Variants in DIP2C observed in about 807,000 individuals in gnomAD.
The protein encoded by DIP2C is disco-interacting protein 2 homolog C.
In DIP2C, 33 loss-of-function variants were observed where a neutral mutation model predicts 192.4. The ratio of observed to expected loss-of-function variants is 0.17; its 90% CI spans 0.13 to 0.23. The LOEUF (loss-of-function observed/expected upper bound fraction) is 0.23, where lower values mean the gene tolerates loss of function less well. Ranked by LOEUF, DIP2C falls within the 10% of genes least tolerant of loss-of-function variation. The pLI is 1.00. For missense variants in DIP2C, 1,537 were observed against 2,110.1 expected (o/e 0.73, Z 5.32); for synonymous variants, 979 against 864.1 (o/e 1.13, Z -2.33).
At chr10:386,818 A>G (rs184960885) in intron 14 of DIP2C, among the ~76,000 whole-genome samples, 1 of 152,354 alleles carries the variant, frequency 6.6e-6, no homozygotes, top group East Asian at 1.9e-4. Context: ...CAAAAGAAAA[A>G]TGAGTGAAAA....
chr10:335,634 G>A (rs567442730), intron 29 of DIP2C, among the ~76,000 whole-genome samples: 30 of 152,344 alleles, frequency 2.0e-4, no homozygotes, highest in Non-Finnish European at 4.3e-4. Context: ...TTCCACATGG[G>A]GAGATCCAGG....
Position 689,498 on chromosome 10 carries a change from C to A in DIP2C, c.81G>T (p.Ser27=), listed in dbSNP as rs1260811360. The change falls in exon 1 of 37, where the codon TCG becomes TCT. Residue 27 remains serine, a synonymous_variant. Transcript: ENST00000280886. This position sits in a 1 kb window ranked among gnomAD's most constrained non-coding sequence, Gnocchi z 6.1. ...ARLAELELEL[S]EGDITQKGYE... is the part of the protein sequence containing the mutation. ...CCGGGGCGGGGGCCCGGTTACCTTC[C>A]GACAGCTCCAGCTCCAGCTCGGCCA... The A allele has an allele frequency of 1.6e-6, 2 of 1,265,490 alleles. No individual in the cohort carries two copies. Among genetic ancestry groups the A allele is most frequent in the Non-Finnish European group, 2.0e-6 (2 of 986,484 alleles). 78.4% of individuals were successfully genotyped at this position (1,265,490 alleles called of 1,614,324 possible).
At position 688,529 on chromosome 10, in the gene DIP2C, TG is replaced by T. The variant is rs1208276368; in HGVS notation, c.85+964del. Among the ~76,000 whole-genome samples the T allele has an allele frequency of 9.2e-5, 14 of 152,258 alleles. 1 individual carries two copies. The highest frequency in any genetic ancestry group is 3.4e-4 in the African/African-American group (14 of 41,544). ...CCAAAAAAAGTTCACCATGCTAAACTGCTCCAAATATAAATGTGAGACGCGC... is the reference window on the plus strand; with the variant it reads ...CCAAAAAAAGTTCACCATGCTAAACTCTCCAAATATAAATGTGAGACGCGC... On this transcript the variant is annotated intron_variant, in intron 1 of 36. Transcript: ENST00000280886.
chr10:615,310 T>C (rs1853383457), intron 1 of DIP2C, among the ~76,000 whole-genome samples: 1 of 152,148 alleles, frequency 6.6e-6, no homozygotes, highest in Non-Finnish European at 1.5e-5. Context: ...TGTTATCAAA[T>C]CACCAAGCAC....
intron 1 of DIP2C, among the ~76,000 whole-genome samples, chr10:673,935 C>T (rs1830761478): frequency 1.3e-5 from 2 of 152,192 alleles, no homozygotes; most frequent in African/African-American, 4.8e-5. Flanking sequence ...CATTGCTGTT[C>T]CTAATAACAG....
At chr10:684,540 C>A (rs1831243305) in intron 1 of DIP2C, among the ~76,000 whole-genome samples, 1 of 152,172 alleles carries the variant, frequency 6.6e-6, no homozygotes, top group African/African-American at 2.4e-5. Flanking sequence ...GTCCTCAGGA[C>A]CTTCTCTTAG....
intron 6 of DIP2C, among the ~76,000 whole-genome samples, chr10:417,922 G>A (rs987814339): frequency 2.1e-4 from 22 of 104,118 alleles, no homozygotes; most frequent in Non-Finnish European, 3.0e-4. Context: ...CTGTCCACCT[G>A]TTCCTGTCAG....
chr10:671,055 G>A (rs1435567926), intron 1 of DIP2C, among the ~76,000 whole-genome samples: 1 of 152,260 alleles, frequency 6.6e-6, no homozygotes, highest in Non-Finnish European at 1.5e-5. Flanking sequence ...GCTTCAGGAA[G>A]AGCTGGGTGG....
Position 639,526 on chromosome 10 carries a change from G to A in DIP2C, c.85+49968C>T, listed in dbSNP as rs77454453. 2.9e-3 allele frequency among the ~76,000 whole-genome samples: 437 copies of A among 152,278 alleles called. 16 individuals carry two copies. The East Asian group carries it at 0.065, about 23-fold the overall frequency. ...TGCTGCCCGGCTCTCAGTATCAGCCGCATATGCACATTCTCCACTGAAGCC... is the reference window on the plus strand; with the variant it reads ...TGCTGCCCGGCTCTCAGTATCAGCCACATATGCACATTCTCCACTGAAGCC... On this transcript the variant is annotated intron_variant, in intron 1 of 36. Coordinates refer to ENST00000280886, the MANE Select transcript of DIP2C (RefSeq NM_014974.3).
chr10:486,474 G>C lies in DIP2C; in HGVS notation c.142C>G (p.Leu48Val). The C allele has an allele frequency of 6.2e-7, 1 of 1,602,488 alleles. No homozygotes were observed. The highest frequency in any genetic ancestry group is 8.5e-7 in the Non-Finnish European group (1 of 1,174,640). Residue 48 changes from leucine (L) to valine (V), a missense_variant, in exon 2 of 37, where the codon CTT becomes GTT. Transcript: ENST00000280886. ...GGTTACCTACTCGGAGGCTGCGGAA[G>C]GTAGGCTCCAATTAACTTTGACCTC... ...KKRSKLIGAY[L>V]PQPPRVDQAL...
intron 1 of DIP2C, among the ~76,000 whole-genome samples, chr10:547,653 TCA>T (rs1046864405): frequency 6.6e-6 from 1 of 152,156 alleles, no homozygotes; most frequent in Admixed American, 6.5e-5. Context: ...TCACAATAGC[TCA>T]CAAGATAGGC....
intron 32 of DIP2C, among the ~76,000 whole-genome samples, chr10:308,718 G>A (rs1233603909): frequency 6.6e-6 from 1 of 152,132 alleles, no homozygotes; most frequent in South Asian, 2.1e-4. Flanking sequence ...CCTCCTGAGG[G>A]CTCCTACGTG....
Position 396,157 on chromosome 10 carries a change from G to A in DIP2C, c.1260+2952C>T, listed in dbSNP as rs565630712. 4.8e-4 allele frequency among the ~76,000 whole-genome samples: 73 copies of A among 152,286 alleles called. No homozygotes were observed. The South Asian group carries it at 0.012, about 26-fold the overall frequency. On this transcript the variant is annotated intron_variant, in intron 10 of 36. Coordinates refer to ENST00000280886, the MANE Select transcript of DIP2C (RefSeq NM_014974.3). ...GATTTCTGATTTGTTCAAAACGTAC[G>A]GTTTATGTCTCTACTACCATTCAAA...
Position 376,640 on chromosome 10 carries a change from G to A in DIP2C, c.1991+6007C>T, listed in dbSNP as rs551873031. ...CCAAAGGTTTCTCTTTTAGATGGAC[G>A]TAAATCAGCCCTGATGAAGGTGCCG... is the stretch of plus-strand genomic sequence containing the variant. On this transcript the variant is annotated intron_variant, in intron 17 of 36. Coordinates refer to ENST00000280886, the MANE Select transcript of DIP2C (RefSeq NM_014974.3). Among the ~76,000 whole-genome samples the A allele has an allele frequency of 6.0e-5, 9 of 150,876 alleles. 1 individual carries two copies. The highest frequency in any genetic ancestry group is 2.1e-4 in the South Asian group (1 of 4,754).
chr10:478,910 G>A (rs1174704977), intron 2 of DIP2C, among the ~76,000 whole-genome samples: 1 of 152,154 alleles, frequency 6.6e-6, no homozygotes, highest in Non-Finnish European at 1.5e-5. Context: ...AGAGGGGTAG[G>A]GAGGGAGGAG....
chr10:452,655 G>A (rs1463282561), intron 3 of DIP2C, among the ~76,000 whole-genome samples: 1 of 152,198 alleles, frequency 6.6e-6, no homozygotes, highest in East Asian at 1.9e-4. Context: ...ACCAAGCCAC[G>A]ATGGCCCCCT....
intron 1 of DIP2C, among the ~76,000 whole-genome samples, chr10:642,210 A>C (rs2131946925): frequency 6.6e-6 from 1 of 152,332 alleles, no homozygotes; most frequent in South Asian, 2.1e-4. Flanking sequence ...GGCCTCTTTA[A>C]GCAGGACTCG....
At chr10:455,105 T>A (rs1056924138) in intron 3 of DIP2C, among the ~76,000 whole-genome samples, 1 of 152,206 alleles carries the variant, frequency 6.6e-6, no homozygotes, top group Admixed American at 6.5e-5. Context: ...CCAAGGTAGA[T>A]ACGTGGCTTC....
At chr10:546,645 T>C (rs907465014) in intron 1 of DIP2C, among the ~76,000 whole-genome samples, 7 of 152,364 alleles carry the variant, frequency 4.6e-5, no homozygotes, top group African/African-American at 1.4e-4. Flanking sequence ...GTCTGGACCC[T>C]GGTCGACGGG....
Sources: allele counts gnomAD v4.1 joint callset (sites outside exome capture counted in the v4.1 genomes callset), GRCh38; gene constraint gnomAD v4.1.1; non-coding constraint Gnocchi (gnomAD v3.1); transcripts MANE v1.5; gene names NCBI Gene and HGNC (gene_info 2026-07-23, HGNC 2026-07-21).